The following AHNAK2 variants were observed in gnomAD, a reference collection of about 807,000 sequenced individuals.
The protein encoded by AHNAK2 is AHNAK nucleoprotein 2.
A neutral mutation model predicts 30.7 loss-of-function variants in AHNAK2; 18 were observed. The observed-to-expected ratio is 0.59, with a 90% confidence interval of 0.41 to 0.87. The LOEUF is 0.87. Ranked by LOEUF, AHNAK2 falls within the 40% of genes least tolerant of loss-of-function variation. AHNAK2 has a pLI of 0.00. For synonymous variants in AHNAK2, 3,590 were observed against 3,073.8 expected (o/e 1.17, Z -5.56); for missense variants, 8,604 against 7,373.0 (o/e 1.17, Z -6.11).
rs372595629 is a variant in AHNAK2, at chr14:104,947,827, C to T, written c.7624G>A (p.Val2542Ile). 88 of 1,612,606 alleles carry T rather than the reference C, an allele frequency of 5.5e-5. 1 individual carries two copies. The highest frequency in any genetic ancestry group is 7.1e-5 in the Non-Finnish European group (84 of 1,179,616). Residue 2542 changes from valine (V) to isoleucine (I), a missense_variant, in exon 7 of 7, where the codon GTC (valine) becomes ATC (isoleucine). Transcript: ENST00000333244. ...TTCACGTCCACTTGGCCAGCCTGGA[C>T]CTCCAGGTCAGCGGAAGGGGGCTGA... ...SIQPPSADLE[V>I]QAGQVDVKLP...
At chr14:104,956,503 C>T in intron 4 of AHNAK2, 85 bp downstream of exon 4, 1 of 1,413,012 alleles carries the variant, frequency 7.1e-7, no homozygotes, top group Non-Finnish European at 1.0e-6. Flanking sequence ...TTGCTCCTCC[C>T]CTGCCTGCTC....
Position 104,954,434 on chromosome 14 carries a change from T to A in AHNAK2, c.1017A>T (p.Thr339=). The change falls in exon 7 of 7, where the codon ACA becomes ACT. Residue 339 remains threonine (T), a synonymous_variant. Transcript: ENST00000333244. This position sits in a 1 kb window ranked among gnomAD's most constrained non-coding sequence, Gnocchi z 4.3. ...RTGSGQGPSS[T]GQPGRGFQSG... is the part of the protein sequence containing the mutation. Reference sequence around the variant, plus strand: ...TCTGGAACCCCCTGCCTGGCTGTCCTGTCGATGAAGGGCCCTGTCCCGAGC... The same window carrying A: ...TCTGGAACCCCCTGCCTGGCTGTCCAGTCGATGAAGGGCCCTGTCCCGAGC... 6.2e-7 allele frequency: 1 copy of A among 1,612,682 alleles called. No individual in the cohort carries two copies.
Position 104,943,921 on chromosome 14 carries a change from C to T in AHNAK2, c.11530G>A (p.Gly3844Arg). 6.2e-7 allele frequency: 1 copy of T among 1,613,188 alleles called. No individual in the cohort carries two copies. The highest frequency in any genetic ancestry group is 1.3e-5 in the African/African-American group (1 of 74,830). ...CTGAGGTCAGTGGTCTTGAGGTCCC[C>T]CTGCATGGAGGGGAGACTCACATCG... Reference protein sequence around the residue: ...EADVSLPSMQGDLKTTDLSIQ... With the variant: ...EADVSLPSMQRDLKTTDLSIQ... The change falls in exon 7 of 7, where the codon GGG becomes AGG. Residue 3844 changes from glycine to arginine, a missense_variant. By Grantham distance (125) the Gly-to-Arg change is moderately radical (BLOSUM62 -2). Coordinates refer to ENST00000333244, the MANE Select transcript of AHNAK2 (RefSeq NM_138420.4).
rs1185982005 is a variant in AHNAK2 at position 104,947,560 on chromosome 14, C to G, written c.7891G>C (p.Glu2631Gln). ...TTGTCGGCCAGGGACAGGTCCCCCT[C>G]CAGCCGCGCACCATCCAGCTTTGCT... ...PRAKLDGARL[E>Q]GDLSLADKGV... is the part of the protein sequence containing the mutation. The change falls in exon 7 of 7, where the codon GAG (glutamate) becomes CAG (glutamine). Residue 2631 changes from glutamate to glutamine, a missense_variant. Physicochemically the swap from Glu to Gln is conservative, Grantham distance 29. Coordinates refer to ENST00000333244, the MANE Select transcript of AHNAK2 (RefSeq NM_138420.4). 3.1e-6 allele frequency: 5 copies of G among 1,612,918 alleles called. No homozygotes were observed. The African/African-American group carries it at 5.4e-5, about 17-fold the overall frequency.
chr14:104,954,591 G>T lies in AHNAK2; in HGVS notation c.860C>A (p.Pro287His). 6.2e-7 allele frequency: 1 copy of T among 1,609,922 alleles called. No homozygotes were observed. Among genetic ancestry groups the T allele is most frequent in the Non-Finnish European group, 8.5e-7 (1 of 1,178,330 alleles). The change falls in exon 7 of 7, where the codon CCT becomes CAT. Residue 287 changes from proline to histidine, a missense_variant. Physicochemically the swap from Pro to His is moderately conservative, Grantham distance 77. Transcript: ENST00000333244. The surrounding 1 kb of genome is among the most constrained non-coding windows in gnomAD (Gnocchi z 4.3). Reference protein sequence around the residue: ...RSHSSSEAYEPRDAHDVSPTS... With the variant: ...RSHSSSEAYEHRDAHDVSPTS... ...AGGGGACACGTCATGTGCGTCCCTA[G>T]GTTCGTAGGCCTCTGACGAGCTGTG...
At chr14:104,975,423 A>T (rs531318464) in intron 1 of AHNAK2, among the ~76,000 whole-genome samples, 41 of 152,276 alleles carry the variant, frequency 2.7e-4, no homozygotes, top group Non-Finnish European at 2.5e-4. Flanking sequence ...ACACACTTAC[A>T]GCATCACTGT....
In AHNAK2 at chr14:104,951,273, T is replaced by C. The variant is rs753448665; in HGVS notation, c.4178A>G (p.Asp1393Gly). 5 of 1,060,222 alleles carry C rather than the reference T, an allele frequency of 4.7e-6. No homozygotes were observed. In the African/African-American group the frequency reaches 7.3e-5, roughly 15 times the overall value. 65.7% of individuals were successfully genotyped at this position (1,060,222 alleles called of 1,614,324 possible). A position where few individuals can be genotyped will look rare whatever the true frequency, so the allele number is the denominator to read the frequency against. ...TDLELQAGQL[D>G]VKLPEGPVPE... ...CACGGGGCCCTCTGGGAGTTTCACGTCCAATTGGCCAGCCTGGAGCTCCAG... is the reference window on the plus strand; with the variant it reads ...CACGGGGCCCTCTGGGAGTTTCACGCCCAATTGGCCAGCCTGGAGCTCCAG... Residue 1393 changes from aspartate to glycine, a missense_variant, in exon 7 of 7, where the codon GAC (aspartate) becomes GGC (glycine). By Grantham distance (94) the Asp-to-Gly change is moderately conservative. Transcript: ENST00000333244.
rs1490823765 is a variant in AHNAK2 at position 104,963,831 on chromosome 14, AAAAAAAAAAG to A, written c.56-6169_56-6160del. Among the ~76,000 whole-genome samples the A allele has an allele frequency of 1.3e-3, 198 of 151,546 alleles. 1 individual carries two copies. Among genetic ancestry groups the A allele is most frequent in the African/African-American group, 4.7e-3 (192 of 41,234 alleles). ...GGCCACACAGCGAGACTCCGTCTAA[AAAAAAAAAAG>A]AAAAAAAAAAGAGAGAGAGAGAAAA... On this transcript the variant is annotated intron_variant, in intron 1 of 6. Coordinates refer to ENST00000333244, the MANE Select transcript of AHNAK2 (RefSeq NM_138420.4).
chr14:104,956,984 A>G (rs1898995895), intron 3 of AHNAK2, among the ~76,000 whole-genome samples: 1 of 152,266 alleles, frequency 6.6e-6, no homozygotes, highest in Non-Finnish European at 1.5e-5. Flanking sequence ...GAGGGAGATA[A>G]GAAATTCAAA....
Position 104,942,904 on chromosome 14 carries a change from T to G in AHNAK2, c.12547A>C (p.Ile4183Leu). 2 of 1,611,406 alleles carry G rather than the reference T, an allele frequency of 1.2e-6. No homozygotes were observed. The highest frequency in any genetic ancestry group is 1.7e-6 in the Non-Finnish European group (2 of 1,178,928). Residue 4183 changes from isoleucine (I) to leucine (L), a missense_variant, in exon 7 of 7, where the codon ATT becomes CTT. Physicochemically the swap from Ile to Leu is conservative, Grantham distance 5. Coordinates refer to ENST00000333244, the MANE Select transcript of AHNAK2 (RefSeq NM_138420.4). ...QGDLKTTDLS[I>L]QSPSADLEVQ... ...TCCAGGTCGGCGGAAGGGGACTGAA[T>G]GCTGAGGTCAGTGGTCTTGAGGTCC...
chr14:104,973,667 GCGTC>G (rs1899530132), intron 1 of AHNAK2, among the ~76,000 whole-genome samples: 3 of 152,190 alleles, frequency 2.0e-5, no homozygotes, highest in Non-Finnish European at 2.9e-5. Flanking sequence ...ACCCTCAGCA[GCGTC>G]CAGGCAGGGG....
chr14:104,957,369 G>A lies in AHNAK2; in HGVS notation c.213+41C>T, dbSNP rs745614351. On this transcript the variant is annotated intron_variant, in intron 3 of 6. Coordinates refer to ENST00000333244, the MANE Select transcript of AHNAK2 (RefSeq NM_138420.4). The stretch of plus-strand genomic sequence containing the variant: ...GTTGCCCACACAGGGCGATGCAGGA[G>A]GAGACCTGGGTGCCTGTGGGGCTCT... 12 of 1,526,832 alleles carry A rather than the reference G, an allele frequency of 7.9e-6. No individual in the cohort carries two copies. In the African/African-American group the frequency reaches 1.2e-4, roughly 16 times the overall value. The allele number at this position is 1,526,832 out of a possible 1,614,324, so 94.6% of individuals were successfully genotyped here.
intron 1 of AHNAK2, among the ~76,000 whole-genome samples, chr14:104,973,548 A>T (rs1482438806): frequency 6.6e-6 from 1 of 152,110 alleles, no homozygotes; most frequent in Non-Finnish European, 1.5e-5. Context: ...CCATCACCTG[A>T]CAGCCCCTCC....
Position 104,938,161 on chromosome 14 carries a change from C to G in AHNAK2, c.17290G>C (p.Val5764Leu). The G allele has an allele frequency of 6.2e-7, 1 of 1,613,988 alleles. No homozygotes were observed. The highest frequency in any genetic ancestry group is 8.5e-7 in the Non-Finnish European group (1 of 1,179,896). ...AACTCTGTTCTTGCCGCGGATGTCACCATCACTCTGGAGTCCAGCCCAGTG... is the reference window on the plus strand; with the variant it reads ...AACTCTGTTCTTGCCGCGGATGTCAGCATCACTCTGGAGTCCAGCCCAGTG... ...VGTGLDSRVM[V>L]TSAARTELIL... Residue 5764 changes from valine (V) to leucine (L), a missense_variant, in exon 7 of 7, where the codon GTG (valine) becomes CTG (leucine). Physicochemically the swap from Val to Leu is conservative, Grantham distance 32 (BLOSUM62 1). Coordinates refer to ENST00000333244, the MANE Select transcript of AHNAK2 (RefSeq NM_138420.4).
At position 104,953,463 on chromosome 14, in the gene AHNAK2, A is replaced by G. The variant is rs1296156755; in HGVS notation, c.1988T>C (p.Leu663Pro). The G allele has an allele frequency of 1.2e-6, 2 of 1,613,900 alleles. No individual in the cohort carries two copies. Among genetic ancestry groups the G allele is most frequent in the Non-Finnish European group, 1.7e-6 (2 of 1,179,878 alleles). The change falls in exon 7 of 7, where the codon CTG (leucine) becomes CCG (proline). Residue 663 changes from leucine (L) to proline (P), a missense_variant. Transcript: ENST00000333244. ...DEKRLKKEQI[L>P]TEKEVATKDS... Reference sequence around the variant, plus strand: ...TTTGGTGGCCACTTCCTTTTCTGTCAGAATTTGTTCCTTTTTTAAGCGTTT... The same window carrying G: ...TTTGGTGGCCACTTCCTTTTCTGTCGGAATTTGTTCCTTTTTTAAGCGTTT...
At position 104,940,749 on chromosome 14, in the gene AHNAK2, CTT is replaced by C. The variant is rs1897954244; in HGVS notation, c.14700_14701del (p.Arg4901SerfsTer41). ...GGTGCTTGGCAAGGGGCACTGCACT[CTT>C]TCTCCAGGGCTAAGAGGAGACATGA... On this transcript the variant is annotated frameshift_variant, in exon 7 of 7. Transcript: ENST00000333244. LOFTEE classifies it low-confidence loss of function (END_TRUNC). This position sits in a 1 kb window ranked among gnomAD's most constrained non-coding sequence, Gnocchi z 4.4. 6.2e-7 allele frequency: 1 copy of C among 1,612,962 alleles called. No homozygotes were observed. Among genetic ancestry groups the C allele is most frequent in the South Asian group, 1.1e-5 (1 of 91,076 alleles).
At position 104,953,010 on chromosome 14, in the gene AHNAK2, C is replaced by T. The variant is rs199658132; in HGVS notation, c.2441G>A (p.Arg814Gln). 1,813 of 1,611,184 alleles carry T rather than the reference C, an allele frequency of 1.1e-3. 18 individuals carry two copies. In the Middle Eastern group the frequency reaches 0.033, roughly 29 times the overall value. The change falls in exon 7 of 7, where the codon CGG (arginine) becomes CAG (glutamine). Residue 814 changes from arginine (R) to glutamine (Q), a missense_variant. Arg to Gln is a conservative substitution (Grantham distance 43). Coordinates refer to ENST00000333244, the MANE Select transcript of AHNAK2 (RefSeq NM_138420.4). Reference sequence around the variant, plus strand: ...GGCCAGGGACAGGTCCCCCTCCAGCCGCGCACCATCCAGCTTTGCTCTCGG... The same window carrying T: ...GGCCAGGGACAGGTCCCCCTCCAGCTGCGCACCATCCAGCTTTGCTCTCGG... The part of the protein sequence containing the change: ...QAPRAKLDGA[R>Q]LEGDLSLADK...
chr14:104,965,401 C>CAAAAAAAAAAAAAAAAA (rs397853385), intron 1 of AHNAK2, among the ~76,000 whole-genome samples: 1 of 85,518 alleles, frequency 1.2e-5, no homozygotes, highest in Admixed American at 1.3e-4. Flanking sequence ...AACTCTGTCT[C>CAAAAAAAAAAAAAAAAA]AAAAAAAAAA....
chr14:104,957,446 G>A lies in AHNAK2; in HGVS notation c.177C>T (p.Tyr59=), dbSNP rs1359031859. Residue 59 remains tyrosine (Y), a synonymous_variant, in exon 3 of 7, where the codon TAC becomes TAT. Coordinates refer to ENST00000333244, the MANE Select transcript of AHNAK2 (RefSeq NM_138420.4). ...RPRPQGSSPV[Y]EYTTEAADFG... is the part of the protein sequence containing the mutation. ...AGTCGGCAGCCTCAGTCGTGTATTC[G>A]TAGACAGGTGAAGACCCCTGCGGCC... The A allele has an allele frequency of 6.3e-7, 1 of 1,599,034 alleles. No individual in the cohort carries two copies. Among genetic ancestry groups the A allele is most frequent in the Middle Eastern group, 1.7e-4 (1 of 6,030 alleles).
Sources: gnomAD v4.1 joint callset for allele counts (sites outside exome capture counted in the v4.1 genomes callset) on GRCh38, gnomAD v4.1.1 for gene constraint, Gnocchi (gnomAD v3.1) non-coding constraint, MANE v1.5 for transcripts, NCBI Gene and HGNC (gene_info 2026-07-23, HGNC 2026-07-21) for gene names.